AKAP11: variants seen among roughly 807,000 people sequenced by gnomAD.
The protein encoded by AKAP11 is A-kinase anchoring protein 11, also known as A-kinase anchor protein 11.
AKAP11 carries 36 observed loss-of-function variants against 146.1 expected under a neutral mutation model. The observed-to-expected ratio is 0.25, with a 90% CI of 0.19 to 0.33. The LOEUF is 0.33. Among genes scored for constraint, AKAP11 ranks in the 10% least tolerant of loss-of-function variants. The pLI is 1.00. For missense variants in AKAP11, 2,201 were observed against 2,197.0 expected (o/e 1.00, Z -0.04); for synonymous variants, 780 against 786.5 (o/e 0.99, Z 0.14).
intron 1 of AKAP11, among the ~76,000 whole-genome samples, chr13:42,281,299 A>G (rs1347065937): frequency 3.3e-5 from 5 of 152,234 alleles, no homozygotes. Flanking sequence ...GGCAGTTGTT[A>G]AAAGTACAGA....
chr13:42,313,637 G>A (rs966843764), intron 10 of AKAP11, among the ~76,000 whole-genome samples: 1 of 152,106 alleles, frequency 6.6e-6, no homozygotes. Flanking sequence ...TGAATATTAT[G>A]AAATTACATG....
intron 1 of AKAP11, among the ~76,000 whole-genome samples, chr13:42,284,557 CT>C (rs934665846): frequency 1.3e-5 from 2 of 152,196 alleles, no homozygotes; most frequent in African/African-American, 4.8e-5. Context: ...TATACTTAAA[CT>C]TTGTTTTGAT....
At chr13:42,277,546 C>G (rs530157701) in intron 1 of AKAP11, among the ~76,000 whole-genome samples, 2 of 152,248 alleles carry the variant, frequency 1.3e-5, no homozygotes, top group South Asian at 4.2e-4. Context: ...GTTGAAAAAT[C>G]AATAATTTTT....
In AKAP11 at chr13:42,298,801, T is replaced by G; in HGVS notation, c.616+4T>G. On this transcript the variant is annotated splice_donor_region_variant and intron_variant, in intron 7 of 12. Coordinates refer to ENST00000025301, the MANE Select transcript of AKAP11 (RefSeq NM_016248.4). ...ACTTCAAAGCCATACAATGATGGTT[T>G]GTTTTTCATTAGACTTTTTCCTAAA... 2 of 1,543,016 alleles carry G rather than the reference T, an allele frequency of 1.3e-6. No individual in the cohort carries two copies. The highest frequency in any genetic ancestry group is 1.7e-6 in the Non-Finnish European group (2 of 1,157,788).
chr13:42,303,083 C>T lies in AKAP11; in HGVS notation c.4337C>T (p.Pro1446Leu). 1.2e-6 allele frequency: 2 copies of T among 1,613,522 alleles called. No individual in the cohort carries two copies. Among genetic ancestry groups the T allele is most frequent in the South Asian group, 2.2e-5 (2 of 91,044 alleles). Residue 1446 changes from proline to leucine, a missense_variant, in exon 8 of 13, where the codon CCA becomes CTA. By Grantham distance (98) the Pro-to-Leu change is moderately conservative (BLOSUM62 -3). This residue lies in a region of AKAP11 where 1,867 missense variants were observed against 1,833.5 expected (regional missense o/e 1.02). Coordinates refer to ENST00000025301, the MANE Select transcript of AKAP11 (RefSeq NM_016248.4). ...CAAACTTGTGAAAGGACCCTGGATCCATATAGAAATGAGGTCTCCCAACTG... is the reference window on the plus strand; with the variant it reads ...CAAACTTGTGAAAGGACCCTGGATCTATATAGAAATGAGGTCTCCCAACTG... ...KNQTCERTLD[P>L]YRNEVSQLYS...
intron 1 of AKAP11, among the ~76,000 whole-genome samples, chr13:42,280,706 G>A (rs2138432118): frequency 6.6e-6 from 1 of 152,270 alleles, no homozygotes; most frequent in Middle Eastern, 3.4e-3. Context: ...CAAAGGAGGT[G>A]GTTACTATTT....
chr13:42,299,103 A>G (rs942393893), intron 7 of AKAP11, among the ~76,000 whole-genome samples: 1 of 152,154 alleles, frequency 6.6e-6, no homozygotes, highest in Non-Finnish European at 1.5e-5. Flanking sequence ...CAGAGTCTCC[A>G]CGGTAATTTT....
Position 42,300,327 on chromosome 13 carries a change from T to G in AKAP11, c.1581T>G (p.Thr527=). 6.2e-7 allele frequency: 1 copy of G among 1,610,836 alleles called. No homozygotes were observed. Among genetic ancestry groups the G allele is most frequent in the Non-Finnish European group, 8.5e-7 (1 of 1,178,908 alleles). ...SIKHGENKTV[T]FKHGNLDQKN... ...AACATGGAGAAAATAAAACTGTAAC[T>G]TTTAAGCATGGAAACCTTGATCAAA... The change falls in exon 8 of 13, where the codon ACT becomes ACG. Residue 527 remains threonine (T), a synonymous_variant. Transcript: ENST00000025301.
At chr13:42,275,016 T>C (rs930822710) in intron 1 of AKAP11, among the ~76,000 whole-genome samples, 2 of 152,202 alleles carry the variant, frequency 1.3e-5, no homozygotes, top group Non-Finnish European at 2.9e-5. Context: ...GATTCTTTGA[T>C]TGCAAGGAAG....
At position 42,297,115 on chromosome 13, in the gene AKAP11, A is replaced by G. The variant is rs1959561003; in HGVS notation, c.284A>G (p.Glu95Gly). ...TCACTCCACTTCTGCAGTCTAAATG[A>G]AAATGAAATTATTTGTATGAAGAAT... ...LNSLHFCSLN[E>G]NEIICMKNIN... The change falls in exon 6 of 13, where the codon GAA becomes GGA. Residue 95 changes from glutamate (E) to glycine (G), a missense_variant. By Grantham distance (98) the Glu-to-Gly change is moderately conservative (BLOSUM62 -2). Transcript: ENST00000025301. 1 of 1,587,844 alleles carries G rather than the reference A, an allele frequency of 6.3e-7. No homozygotes were observed. The highest frequency in any genetic ancestry group is 2.3e-5 in the East Asian group (1 of 43,430).
At chr13:42,306,962 A>T (rs1380593301) in intron 8 of AKAP11, among the ~76,000 whole-genome samples, 1 of 152,194 alleles carries the variant, frequency 6.6e-6, no homozygotes, top group African/African-American at 2.4e-5. Context: ...CTGAGATTGC[A>T]AGCATGAGCC....
At chr13:42,313,181 C>A (rs1247762022) in intron 10 of AKAP11, 51 bp downstream of exon 10, 2 of 1,327,514 alleles carry the variant, frequency 1.5e-6, no homozygotes. Flanking sequence ...ACCACTAATG[C>A]ATGATGTCAT....
chr13:42,292,364 T>A (rs1477557654), intron 3 of AKAP11, 21 bp from the exon 4 acceptor site: 1 of 1,421,366 alleles, frequency 7.0e-7, no homozygotes, highest in East Asian at 2.3e-5. Context: ...TTGAAATATC[T>A]TTGCTTTCTT....
In AKAP11 at chr13:42,303,676, C is replaced by T. The variant is rs1960095838; in HGVS notation, c.4930C>T (p.Leu1644Phe). The change falls in exon 8 of 13, where the codon CTT becomes TTT. Residue 1644 changes from leucine to phenylalanine, a missense_variant. Transcript: ENST00000025301. ...HLSVPQIHVN[L>F]DKKAVLAEKI... is the part of the protein sequence containing the mutation. ...CAGTGTCCCTCAGATTCATGTTAAT[C>T]TTGATAAGAAGGCAGTGCTTGCTGA... is the stretch of plus-strand genomic sequence containing the variant. 2.5e-6 allele frequency: 4 copies of T among 1,614,140 alleles called. No individual in the cohort carries two copies. The highest frequency in any genetic ancestry group is 2.5e-6 in the Non-Finnish European group (3 of 1,180,006).
At chr13:42,286,547 G>T in intron 3 of AKAP11, 148 bp downstream of exon 3, 1 of 521,320 alleles carries the variant, frequency 1.9e-6, no homozygotes, top group Non-Finnish European at 3.3e-6. Flanking sequence ...TGGCATGTAT[G>T]AAAATAGTGA....
intron 8 of AKAP11, among the ~76,000 whole-genome samples, chr13:42,305,094 G>C (rs7323055): frequency 0.68 from 102,689 of 152,080 alleles, 34,860 homozygotes; most frequent in East Asian, 0.79. Context: ...CAGTTTTTCA[G>C]TTTAAACCTT....
At chr13:42,282,364 T>C (rs1256349557) in intron 1 of AKAP11, among the ~76,000 whole-genome samples, 1 of 151,926 alleles carries the variant, frequency 6.6e-6, no homozygotes, top group Non-Finnish European at 1.5e-5. Flanking sequence ...AACTCATTAT[T>C]TCCAATAGCT....
chr13:42,273,728 A>G (rs1286065707), intron 1 of AKAP11, among the ~76,000 whole-genome samples: 2 of 152,230 alleles, frequency 1.3e-5, no homozygotes, highest in Non-Finnish European at 2.9e-5. Context: ...AACTCCAGGG[A>G]TAAGTCTAGA....
chr13:42,317,796 T>C (rs1960893132), intron 12 of AKAP11, 108 bp downstream of exon 12: 6 of 1,293,820 alleles, frequency 4.6e-6, no homozygotes, highest in Non-Finnish European at 6.3e-6. Context: ...TCTTAGGCTG[T>C]AGTGTCCAAC....
Sources: allele counts gnomAD v4.1 joint callset (sites outside exome capture counted in the v4.1 genomes callset), GRCh38; gene constraint gnomAD v4.1.1; regional missense constraint gnomAD v4.1.1; transcripts MANE v1.5; gene names NCBI Gene and HGNC (gene_info 2026-07-23, HGNC 2026-07-21).